The following DGKG variants were observed in gnomAD, a reference collection of about 807,000 sequenced individuals.
DGKG encodes the protein diacylglycerol kinase gamma.
DGKG carries 78 observed loss-of-function variants against 105.3 expected under a neutral mutation model. That is an observed-to-expected ratio of 0.74 (90% CI 0.62 to 0.89). The LOEUF (loss-of-function observed/expected upper bound fraction) is 0.89. Ranked by LOEUF, DGKG falls within the 40% of genes least tolerant of loss-of-function variation. DGKG has a pLI of 0.00. For missense variants in DGKG, 958 were observed against 1,020.1 expected (o/e 0.94, Z 0.83); for synonymous variants, 346 against 367.1 (o/e 0.94, Z 0.66).
Position 186,267,756 on chromosome 3 carries a change from A to G in DGKG, c.1138T>C (p.Ser380Pro). The G allele has an allele frequency of 6.2e-7, 1 of 1,614,098 alleles. No individual in the cohort carries two copies. The highest frequency in any genetic ancestry group is 8.5e-7 in the Non-Finnish European group (1 of 1,179,926). ...RMTFHRKCEL[S>P]TLCDGGELRD... is the part of the protein sequence containing the mutation. ...AGTTCCCCACCGTCACACAACGTTG[A>G]TAATTCACATTTGCGGTGAAACTGG... Residue 380 changes from serine to proline, a missense_variant, in exon 13 of 25, where the codon TCA (serine) becomes CCA (proline). Ser to Pro is a moderately conservative substitution (Grantham distance 74). Around this residue, in one of 2 missense-constraint regions of DGKG, gnomAD observed 643 missense variants for 619.5 expected, o/e 1.04. Transcript: ENST00000265022.
Position 186,267,778 on chromosome 3 carries a change from C to T in DGKG, c.1117-1G>A, listed in dbSNP as rs767569625. ...TTGATAATTCACATTTGCGGTGAAA[C>T]TGGGGGGAGAAATGAAAAAGAGAGT... On this transcript the variant is annotated splice_acceptor_variant, in intron 12 of 24. Coordinates refer to ENST00000265022, the MANE Select transcript of DGKG (RefSeq NM_001346.3). LOFTEE classifies it high-confidence loss of function. 3.5e-5 allele frequency: 56 copies of T among 1,613,602 alleles called. No homozygotes were observed. The highest frequency in any genetic ancestry group is 4.5e-5 in the Non-Finnish European group (53 of 1,179,642).
intron 21 of DGKG, among the ~76,000 whole-genome samples, chr3:186,193,778 G>T (rs1009997251): frequency 7.9e-5 from 12 of 152,212 alleles, no homozygotes; most frequent in Non-Finnish European, 1.6e-4. Flanking sequence ...ACGTCATCGG[G>T]CCCCCTCCCC....
intron 15 of DGKG, 83 bp from the exon 16 acceptor site, chr3:186,260,596 C>T (rs1721723025): frequency 2.0e-6 from 2 of 1,020,150 alleles, no homozygotes; most frequent in Non-Finnish European, 3.0e-6. Context: ...AGGGCAAACA[C>T]CTCTGGAGCC....
rs1044904273 is a variant in DGKG, at chr3:186,160,261, G to T, written c.2277+1342C>A. 1.5e-5 allele frequency: 15 copies of T among 985,242 alleles called. No homozygotes were observed. The African/African-American group carries it at 2.6e-4, about 17-fold the overall frequency. 61.0% of individuals were successfully genotyped at this position (985,242 alleles called of 1,614,324 possible). A position where few individuals can be genotyped will look rare whatever the true frequency, so the allele number is the denominator to read the frequency against. On this transcript the variant is annotated intron_variant, in intron 24 of 24. Coordinates refer to ENST00000265022, the MANE Select transcript of DGKG (RefSeq NM_001346.3). Reference sequence around the variant, plus strand: ...TTGGCTATTTCAAAATCCAGTGCTTGAATTTATAGGAATAGCAATCCAGTT... The same window carrying T: ...TTGGCTATTTCAAAATCCAGTGCTTTAATTTATAGGAATAGCAATCCAGTT...
At chr3:186,207,910 T>C (rs989756822) in intron 21 of DGKG, among the ~76,000 whole-genome samples, 11 of 152,242 alleles carry the variant, frequency 7.2e-5, no homozygotes. Context: ...CAGTTTCTCT[T>C]TTGTCCAGTT....
chr3:186,299,817 CTTTCTTTCTTTCTTTCTTTCTTTT>C lies in DGKG; in HGVS notation c.145-1612_145-1589del, dbSNP rs1403645644. Among the ~76,000 whole-genome samples, 85 of 100,580 alleles carry C rather than the reference CTTTCTTTCTTTCTTTCTTTCTTTT, an allele frequency of 8.5e-4. 1 individual carries two copies. Among genetic ancestry groups the C allele is most frequent in the East Asian group, 2.3e-3 (10 of 4,348 alleles). 66.0% of individuals were successfully genotyped at this position (100,580 alleles called of 152,430 possible). A position where few individuals can be genotyped will look rare whatever the true frequency, so the allele number is the denominator to read the frequency against. ...TCTTTCTTTCTTTCTTTCTTTCTTT[CTTTCTTTCTTTCTTTCTTTCTTTT>C]TTTTTTTTTTTGAGATAGAGCCTTG... On this transcript the variant is annotated intron_variant, in intron 3 of 24. Transcript: ENST00000265022.
At chr3:186,336,725 G>C (rs1725848471) in intron 1 of DGKG, among the ~76,000 whole-genome samples, 1 of 152,096 alleles carries the variant, frequency 6.6e-6, no homozygotes, top group Non-Finnish European at 1.5e-5. Flanking sequence ...CTTTGGCAGA[G>C]TATGAGACAG....
At chr3:186,345,339 A>C (rs1397621546) in intron 1 of DGKG, among the ~76,000 whole-genome samples, 1 of 152,204 alleles carries the variant, frequency 6.6e-6, no homozygotes, top group Non-Finnish European at 1.5e-5. Context: ...TCCAATATGA[A>C]GACTTTTATT....
chr3:186,220,943 G>C (rs1423782658), intron 20 of DGKG, among the ~76,000 whole-genome samples: 1 of 152,160 alleles, frequency 6.6e-6, no homozygotes, highest in Non-Finnish European at 1.5e-5. Flanking sequence ...TCCTCCTAAG[G>C]GCAGGACTCC....
At chr3:186,255,464 A>G (rs1356527421) in intron 17 of DGKG, among the ~76,000 whole-genome samples, 1 of 152,230 alleles carries the variant, frequency 6.6e-6, no homozygotes, top group Non-Finnish European at 1.5e-5. Flanking sequence ...GCCACATGTC[A>G]GCTGAGATCT....
rs915516460 is a variant in DGKG at position 186,155,304 on chromosome 3, C to T, written c.2278-5116G>A. On this transcript the variant is annotated intron_variant, in intron 24 of 24. Coordinates refer to ENST00000265022, the MANE Select transcript of DGKG (RefSeq NM_001346.3). ...GCCTCCCGGGTTCAAGTGATTCTCC[C>T]GCCTCAGTCTCCTGAATAGCTGGGA... Among the ~76,000 whole-genome samples, 54 of 152,150 alleles carry T rather than the reference C, an allele frequency of 3.5e-4. 1 individual carries two copies. The Middle Eastern group carries it at 0.014, about 38-fold the overall frequency.
chr3:186,292,472 T>C (rs1723352627), intron 5 of DGKG, among the ~76,000 whole-genome samples: 1 of 152,148 alleles, frequency 6.6e-6, no homozygotes, highest in South Asian at 2.1e-4. Flanking sequence ...ATCATTCAAG[T>C]AAATGACTTA....
chr3:186,241,071 C>A (rs540893815), intron 20 of DGKG, among the ~76,000 whole-genome samples: 1 of 152,084 alleles, frequency 6.6e-6, no homozygotes, highest in Non-Finnish European at 1.5e-5. Flanking sequence ...CTAAAAGGTT[C>A]GTTCAGCTGC....
intron 19 of DGKG, among the ~76,000 whole-genome samples, chr3:186,250,618 C>T (rs192354715): frequency 0.013 from 1,546 of 120,244 alleles, 11 homozygotes; most frequent in Admixed American, 0.019. Flanking sequence ...GGCGTGATCT[C>T]GGCTCATTGC....
At chr3:186,154,663 AG>A (rs746803256) in intron 24 of DGKG, among the ~76,000 whole-genome samples, 9 of 150,722 alleles carry the variant, frequency 6.0e-5, no homozygotes, top group Non-Finnish European at 1.0e-4. Context: ...AAAAAAAAAA[AG>A]AAAAGAAAAA....
At chr3:186,266,477 T>C (rs2108579351) in intron 13 of DGKG, among the ~76,000 whole-genome samples, 1 of 152,384 alleles carries the variant, frequency 6.6e-6, no homozygotes, top group East Asian at 1.9e-4. Context: ...TTTGGTGGAA[T>C]AAATGCTTGT....
Position 186,162,310 on chromosome 3 carries a change from T to A in DGKG, c.2217-647A>T, listed in dbSNP as rs944692520. Among the ~76,000 whole-genome samples, 8 of 152,350 alleles carry A rather than the reference T, an allele frequency of 5.3e-5. No homozygotes were observed. The East Asian group carries it at 1.5e-3, about 29-fold the overall frequency. ...AAGTCCACAGAAGTCTGGGATACAG[T>A]GGCCAGTGAGCGTGGCAGCGCCACC... On this transcript the variant is annotated intron_variant, in intron 23 of 24. Coordinates refer to ENST00000265022, the MANE Select transcript of DGKG (RefSeq NM_001346.3).
At position 186,148,865 on chromosome 3, in the gene DGKG, G is replaced by A. The variant is rs1715618977; in HGVS notation, c.*1225C>T. ...CCTGACAATGAAACGGTGGAGTGGGGGAGTGAGAACCTTCTTTTTCCTTAC... is the reference window on the plus strand; with the variant it reads ...CCTGACAATGAAACGGTGGAGTGGGAGAGTGAGAACCTTCTTTTTCCTTAC... On this transcript the variant is annotated 3_prime_UTR_variant, in exon 25 of 25. Coordinates refer to ENST00000265022, the MANE Select transcript of DGKG (RefSeq NM_001346.3). The A allele has an allele frequency of 5.1e-6, 5 of 984,474 alleles. No individual in the cohort carries two copies. The South Asian group carries it at 2.4e-4, about 46-fold the overall frequency. 61.0% of individuals were successfully genotyped at this position (984,474 alleles called of 1,614,324 possible). A position where few individuals can be genotyped will look rare whatever the true frequency, so the allele number is the denominator to read the frequency against.
intron 1 of DGKG, among the ~76,000 whole-genome samples, chr3:186,355,394 T>C (rs1365644695): frequency 7.2e-5 from 9 of 124,660 alleles, no homozygotes; most frequent in East Asian, 2.5e-4. Flanking sequence ...ACCACTACCA[T>C]CACCACTATC....
Sources: allele counts gnomAD v4.1 joint callset (sites outside exome capture counted in the v4.1 genomes callset), GRCh38; gene constraint gnomAD v4.1.1; regional missense constraint gnomAD v4.1.1; transcripts MANE v1.5; gene names NCBI Gene and HGNC (gene_info 2026-07-23, HGNC 2026-07-21).